The following GRM7 variants were observed in gnomAD, a reference collection of about 807,000 sequenced individuals.
The protein encoded by GRM7 is metabotropic glutamate receptor 7.
In GRM7, 35 loss-of-function variants were observed where a neutral mutation model predicts 84.5. The ratio of observed to expected loss-of-function variants is 0.41; its 90% CI spans 0.32 to 0.55. GRM7 has a LOEUF of 0.55. GRM7 is among the 20% of genes least tolerant of loss of function. GRM7 has a pLI of 0.19. For synonymous variants in GRM7, 487 were observed against 455.1 expected, an observed-to-expected ratio of 1.07 and a Z score of -0.89; for missense variants, 1,003 against 1,194.6, an observed-to-expected ratio of 0.84 and a Z score of 2.36.
intron 1 of GRM7, among the ~76,000 whole-genome samples, chr3:7,098,423 C>T (rs893266864): frequency 2.0e-5 from 3 of 151,940 alleles, no homozygotes; most frequent in Non-Finnish European, 2.9e-5. Context: ...CATAGGGTCA[C>T]TTTGGAGTTA....
intron 8 of GRM7, among the ~76,000 whole-genome samples, chr3:7,610,784 T>C (rs1696815099): frequency 6.6e-6 from 1 of 152,196 alleles, no homozygotes; most frequent in African/African-American, 2.4e-5. Context: ...AGGTGAAAGA[T>C]GTTTGTTTTT....
At chr3:7,206,302 A>G (rs7621313) in intron 2 of GRM7, among the ~76,000 whole-genome samples, 102,079 of 152,116 alleles carry the variant, frequency 0.67, 35,232 homozygotes, top group African/African-American at 0.78. Context: ...AGAAGGAGCT[A>G]TTACGACTAA....
At chr3:7,313,596 C>T (rs1700481854) in intron 4 of GRM7, among the ~76,000 whole-genome samples, 1 of 151,948 alleles carries the variant, frequency 6.6e-6, no homozygotes, top group Non-Finnish European at 1.5e-5. Flanking sequence ...AATAAATGGG[C>T]CTTACAAAAT....
At chr3:7,298,965 T>C (rs1198914064) in intron 3 of GRM7, 140 bp downstream of exon 3, 8 of 711,990 alleles carry the variant, frequency 1.1e-5, no homozygotes. Context: ...TGCTTGCCTC[T>C]ACCCAACACA....
At chr3:6,955,174 C>G (rs1201493465) in intron 1 of GRM7, among the ~76,000 whole-genome samples, 1 of 152,080 alleles carries the variant, frequency 6.6e-6, no homozygotes, top group Non-Finnish European at 1.5e-5. Context: ...AGTATCAAAA[C>G]AAGACAAAAC....
chr3:7,519,562 A>C (rs1433184358), intron 7 of GRM7, among the ~76,000 whole-genome samples: 1 of 152,192 alleles, frequency 6.6e-6, no homozygotes, highest in Non-Finnish European at 1.5e-5. Flanking sequence ...TAAAGAGGTC[A>C]TAGATAATTC....
At chr3:6,872,498 T>A (rs575386736) in intron 1 of GRM7, among the ~76,000 whole-genome samples, 1 of 152,276 alleles carries the variant, frequency 6.6e-6, no homozygotes, top group East Asian at 1.9e-4. Flanking sequence ...AGTGCTGGGA[T>A]ACATGTACAG....
chr3:7,471,049 C>A (rs978178663), intron 7 of GRM7, among the ~76,000 whole-genome samples: 8 of 151,542 alleles, frequency 5.3e-5, no homozygotes, highest in Admixed American at 6.6e-5. Context: ...CCGCAATTCC[C>A]TTCTTTATTT....
chr3:7,719,278 A>G (rs151036049), intron 9 of GRM7, among the ~76,000 whole-genome samples: 2,004 of 152,290 alleles, frequency 0.013, 38 homozygotes, highest in African/African-American at 0.046. Flanking sequence ...TTCTTTATCC[A>G]AACTCAATAA....
At position 6,861,270 on chromosome 3, in the gene GRM7, C is replaced by G. The variant is rs1056621577; in HGVS notation, c.-119C>G. ...CCCCTCCCCGGATTCCCCCACCCTCCGTGCCTGCAGGAGCCCCTGGGCTTT... is the reference window on the plus strand; with the variant it reads ...CCCCTCCCCGGATTCCCCCACCCTCGGTGCCTGCAGGAGCCCCTGGGCTTT... On this transcript the variant is annotated 5_prime_UTR_variant, in exon 1 of 10. Coordinates refer to ENST00000357716, the MANE Select transcript of GRM7 (RefSeq NM_000844.4). This position sits in a 1 kb window ranked among gnomAD's most constrained non-coding sequence, Gnocchi z 6.4. 2.9e-5 allele frequency: 24 copies of G among 832,802 alleles called. No homozygotes were observed. The highest frequency in any genetic ancestry group is 3.9e-5 in the Non-Finnish European group (23 of 595,952). The allele number at this position is 832,802 out of a possible 1,614,324, so 51.6% of individuals were successfully genotyped here.
chr3:7,398,175 C>T (rs1356967392), intron 4 of GRM7, among the ~76,000 whole-genome samples: 1 of 152,124 alleles, frequency 6.6e-6, no homozygotes, highest in Non-Finnish European at 1.5e-5. Context: ...AATGTCTTTT[C>T]TGAAGGTGAG....
At chr3:7,216,822 A>C (rs990892018) in intron 2 of GRM7, among the ~76,000 whole-genome samples, 15 of 152,234 alleles carry the variant, frequency 9.9e-5, no homozygotes, top group African/African-American at 3.4e-4. Context: ...TAGTGAACCA[A>C]ATGATTGTTT....
At chr3:7,534,530 T>C (rs1701168542) in intron 7 of GRM7, among the ~76,000 whole-genome samples, 1 of 152,170 alleles carries the variant, frequency 6.6e-6, no homozygotes, top group Admixed American at 6.5e-5. Context: ...ACCTCATTTC[T>C]TAGATGAGGA....
At chr3:7,666,494 A>G (rs1699707563) in intron 8 of GRM7, among the ~76,000 whole-genome samples, 1 of 152,234 alleles carries the variant, frequency 6.6e-6, no homozygotes, top group Non-Finnish European at 1.5e-5. Flanking sequence ...TGCTCCGTGC[A>G]GAATTATTTG....
intron 2 of GRM7, among the ~76,000 whole-genome samples, chr3:7,194,463 A>G (rs1695816578): frequency 6.6e-6 from 1 of 152,116 alleles, no homozygotes; most frequent in Non-Finnish European, 1.5e-5. Context: ...TTCCTCCTAC[A>G]GTTTAAGTCC....
At chr3:7,620,387 G>C (rs1697300641) in intron 8 of GRM7, among the ~76,000 whole-genome samples, 1 of 151,838 alleles carries the variant, frequency 6.6e-6, no homozygotes, top group African/African-American at 2.4e-5. Flanking sequence ...TTTATGTTGG[G>C]GACAGAGAGT....
chr3:7,370,297 C>G (rs1409057546), intron 4 of GRM7, among the ~76,000 whole-genome samples: 1 of 152,130 alleles, frequency 6.6e-6, no homozygotes, highest in Non-Finnish European at 1.5e-5. Context: ...TCCTTAGACC[C>G]TTTTCTCTTA....
At chr3:7,267,602 G>A (rs1469051777) in intron 2 of GRM7, among the ~76,000 whole-genome samples, 1 of 152,214 alleles carries the variant, frequency 6.6e-6, no homozygotes, top group African/African-American at 2.4e-5. Context: ...ACTGAGATGA[G>A]TATAACCAGG....
chr3:7,276,804 T>TCCCTCCCTCCCTCCC (rs1699086357), intron 2 of GRM7, among the ~76,000 whole-genome samples: 4 of 288 alleles, frequency 0.014, no homozygotes, highest in African/African-American at 0.025. Flanking sequence ...CCTTCCTTCC[T>TCCCTCCCTCCCTCCC]TTTTGGTGGT....
Sources: gnomAD v4.1 joint callset for allele counts (sites outside exome capture counted in the v4.1 genomes callset) on GRCh38, gnomAD v4.1.1 for gene constraint, Gnocchi (gnomAD v3.1) non-coding constraint, MANE v1.5 for transcripts, NCBI Gene and HGNC (gene_info 2026-07-23, HGNC 2026-07-21) for gene names.